MICAL3: variants seen among roughly 807,000 people sequenced by gnomAD.
The protein encoded by MICAL3 is [F-actin]-monooxygenase MICAL3.
In MICAL3, 62 loss-of-function variants were observed where a neutral mutation model predicts 207.4. The ratio of observed to expected loss-of-function variants is 0.30; its 90% CI spans 0.24 to 0.37. The LOEUF (loss-of-function observed/expected upper bound fraction) is 0.37, where lower values mean the gene tolerates loss of function less well. Ranked by LOEUF, MICAL3 falls within the 10% of genes least tolerant of loss-of-function variation. The probability of loss-of-function intolerance (pLI) is 1.00; values close to 1 mark genes in which losing one functional copy is unlikely to be tolerated. For missense variants in MICAL3, 2,368 were observed against 2,635.6 expected (o/e 0.90, Z 2.22); for synonymous variants, 1,077 against 1,069.3 (o/e 1.01, Z -0.14).
intron 1 of MICAL3, among the ~76,000 whole-genome samples, chr22:17,931,605 G>A (rs538165246): frequency 3.3e-5 from 5 of 152,190 alleles, no homozygotes; most frequent in African/African-American, 2.4e-5. Flanking sequence ...CCCTTCTGAA[G>A]GGACAGACTG....
chr22:18,020,770 C>A (rs1046990483), intron 1 of MICAL3, among the ~76,000 whole-genome samples: 2 of 151,268 alleles, frequency 1.3e-5, no homozygotes, highest in East Asian at 3.9e-4. Context: ...AAAAATTAGC[C>A]GGGTATGGTG....
At chr22:17,817,189 G>T in intron 26 of MICAL3, 122 bp downstream of exon 26, 2 of 1,244,830 alleles carry the variant, frequency 1.6e-6, no homozygotes, top group Non-Finnish European at 2.2e-6. Context: ...CTCCAGGTCA[G>T]CACGGCTCCT....
chr22:17,832,081 T>A lies in MICAL3; in HGVS notation c.2828A>T (p.Glu943Val). 6 of 1,581,496 alleles carry A rather than the reference T, an allele frequency of 3.8e-6. No homozygotes were observed. Among genetic ancestry groups the A allele is most frequent in the Non-Finnish European group, 5.2e-6 (6 of 1,163,684 alleles). ...SSSSESEMEE[E>V]GEEEEEEPRL... is the part of the protein sequence containing the mutation. ...AGGCTCCTCCTCCTCCTCCTCTCCCTCCTCCTCCATCTCAGACTCGGAACT... is the reference window on the plus strand; with the variant it reads ...AGGCTCCTCCTCCTCCTCCTCTCCCACCTCCTCCATCTCAGACTCGGAACT... Residue 943 changes from glutamate (E) to valine (V), a missense_variant, in exon 21 of 32, where the codon GAG (glutamate) becomes GTG (valine). Glu to Val is a moderately radical substitution (Grantham distance 121). Coordinates refer to ENST00000441493, the MANE Select transcript of MICAL3 (RefSeq NM_015241.3).
intron 8 of MICAL3, 144 bp from the exon 9 acceptor site, chr22:17,896,505 C>T: frequency 1.3e-6 from 1 of 752,884 alleles, no homozygotes; most frequent in Non-Finnish European, 2.2e-6. Context: ...CCCAGATTGG[C>T]AAGGAGTAAG....
chr22:17,891,041 G>T (rs1930353489), intron 12 of MICAL3, among the ~76,000 whole-genome samples: 1 of 152,218 alleles, frequency 6.6e-6, no homozygotes, highest in African/African-American at 2.4e-5. Flanking sequence ...GTTTTGCTTT[G>T]TTAGTAGTGA....
intron 29 of MICAL3, 42 bp from the exon 30 acceptor site, chr22:17,791,343 C>A (rs1031251404): frequency 2.6e-6 from 4 of 1,517,942 alleles, no homozygotes; most frequent in Non-Finnish European, 3.6e-6. Flanking sequence ...GAGTGCCGCG[C>A]CCACCCTGGC....
chr22:17,844,039 G>T (rs112610432), intron 19 of MICAL3, among the ~76,000 whole-genome samples: 2,421 of 152,262 alleles, frequency 0.016, 70 homozygotes, highest in African/African-American at 0.055. Context: ...AGTAGAGACG[G>T]GTTTCACCAT....
chr22:17,869,048 A>T (rs2146156758), intron 17 of MICAL3, among the ~76,000 whole-genome samples: 2 of 152,270 alleles, frequency 1.3e-5, no homozygotes, highest in African/African-American at 4.8e-5. Context: ...TGTGGAGACC[A>T]GGGGGTGTGC....
chr22:17,932,521 A>G lies in MICAL3; in HGVS notation c.-74-25635T>C, dbSNP rs554516409. ...ATGATCAGTACCAACCAATGCAAAA[A>G]CATGCCAAATTGTAAAGACTATCAA... is the stretch of plus-strand genomic sequence containing the variant. On this transcript the variant is annotated intron_variant, in intron 1 of 31. Transcript: ENST00000441493. Among the ~76,000 whole-genome samples the G allele has an allele frequency of 3.3e-4, 51 of 152,342 alleles. 1 individual carries two copies. In the South Asian group the frequency reaches 9.7e-3, roughly 29 times the overall value.
chr22:17,887,606 A>C (rs965188374), intron 13 of MICAL3, among the ~76,000 whole-genome samples, 171 bp from the exon 14 acceptor site: 2 of 152,262 alleles, frequency 1.3e-5, no homozygotes, highest in African/African-American at 2.4e-5. Context: ...GAGGAAATGC[A>C]TACTTGGGTA....
At position 17,891,505 on chromosome 22, in the gene MICAL3, A is replaced by G. The variant is rs1367882518; in HGVS notation, c.1674T>C (p.His558=). Reference sequence around the variant, plus strand: ...CTTACATCAGGTCAGGGCGGTATCTATGGATAATTGCACAAAGGGCCAAGC... The same window carrying G: ...CTTACATCAGGTCAGGGCGGTATCTGTGGATAATTGCACAAAGGGCCAAGC... ...KSGLALCAII[H]RYRPDLIDFD... The change falls in exon 12 of 32, where the codon CAT becomes CAC. Residue 558 remains histidine, a synonymous_variant. Coordinates refer to ENST00000441493, the MANE Select transcript of MICAL3 (RefSeq NM_015241.3). The G allele has an allele frequency of 6.2e-7, 1 of 1,614,014 alleles. No homozygotes were observed. The highest frequency in any genetic ancestry group is 1.1e-5 in the South Asian group (1 of 91,078).
chr22:17,906,493 T>C (rs1931729044), intron 2 of MICAL3, 56 bp downstream of exon 2: 1 of 1,611,986 alleles, frequency 6.2e-7, no homozygotes, highest in Non-Finnish European at 8.5e-7. Context: ...CAAGACGTTG[T>C]TGAGGGAGAA....
At chr22:17,817,232 A>C in intron 26 of MICAL3, 79 bp downstream of exon 26, 1 of 1,459,292 alleles carries the variant, frequency 6.9e-7, no homozygotes, top group Non-Finnish European at 9.1e-7. Context: ...GTGAGTGTGG[A>C]TCCTGAGAGC....
rs1042938991 is a variant in MICAL3, at chr22:17,793,132, G to A, written c.5651-1831C>T. ...CAGGCAGGGGCTGTGGTGTGTGAGC[G>A]AGAGTCGGGTGAGCGCTGTGGACGG... On this transcript the variant is annotated intron_variant, in intron 29 of 31. Coordinates refer to ENST00000441493, the MANE Select transcript of MICAL3 (RefSeq NM_015241.3). The surrounding 1 kb of genome is among the most constrained non-coding windows in gnomAD (Gnocchi z 4.1). 1.3e-5 allele frequency among the ~76,000 whole-genome samples: 2 copies of A among 152,240 alleles called. No homozygotes were observed. Among genetic ancestry groups the A allele is most frequent in the Non-Finnish European group, 2.9e-5 (2 of 68,042 alleles).
chr22:17,951,939 C>T (rs1022055094), intron 1 of MICAL3, among the ~76,000 whole-genome samples: 13 of 152,102 alleles, frequency 8.5e-5, no homozygotes, highest in Admixed American at 1.3e-4. Flanking sequence ...TCAAGTGATC[C>T]GCCCGCCTCG....
chr22:17,808,789 G>A (rs1041965473), intron 29 of MICAL3, 55 bp downstream of exon 29: 9 of 1,448,778 alleles, frequency 6.2e-6, no homozygotes, highest in African/African-American at 2.8e-5. Context: ...AGCCTACCAC[G>A]GCGGGAGGGA....
At chr22:17,851,857 G>A (rs1925373745) in intron 19 of MICAL3, among the ~76,000 whole-genome samples, 1 of 152,238 alleles carries the variant, frequency 6.6e-6, no homozygotes, top group Non-Finnish European at 1.5e-5. Flanking sequence ...TCACGGTAGA[G>A]AGGAGTTTGG....
At chr22:17,823,190 GC>G (rs1601974704) in intron 22 of MICAL3, 130 bp from the exon 23 acceptor site, 2 of 665,082 alleles carry the variant, frequency 3.0e-6, no homozygotes, top group African/African-American at 3.6e-5. Context: ...GGGAGATGCT[GC>G]CAGGCCCAGG....
At chr22:17,837,863 T>G (rs1242805904) in intron 20 of MICAL3, among the ~76,000 whole-genome samples, 1 of 152,194 alleles carries the variant, frequency 6.6e-6, no homozygotes, top group African/African-American at 2.4e-5. Context: ...TGTTTTGTTT[T>G]GTTTTTGAGC....
Sources: allele counts gnomAD v4.1 joint callset (sites outside exome capture counted in the v4.1 genomes callset), GRCh38; gene constraint gnomAD v4.1.1; non-coding constraint Gnocchi (gnomAD v3.1); transcripts MANE v1.5; gene names NCBI Gene and HGNC (gene_info 2026-07-23, HGNC 2026-07-21).